The following MIPOL1 variants were observed in gnomAD, a reference collection of about 807,000 sequenced individuals.
MIPOL1 encodes the protein mirror-image polydactyly gene 1 protein.
MIPOL1 carries 57 observed loss-of-function variants against 60.9 expected under a neutral mutation model. That is an observed-to-expected ratio of 0.94 (90% confidence interval 0.76 to 1.17). MIPOL1 has a LOEUF of 1.17. MIPOL1 is among the 50% of genes most tolerant of loss of function. The probability of loss-of-function intolerance (pLI) is 0.00; values close to 1 mark genes in which losing one functional copy is unlikely to be tolerated. For missense variants in MIPOL1, 551 were observed against 511.6 expected (o/e 1.08, Z -0.74); for synonymous variants, 179 against 168.8 (o/e 1.06, Z -0.47).
chr14:37,280,718 G>A (rs755156812), intron 6 of MIPOL1, among the ~76,000 whole-genome samples: 1 of 152,098 alleles, frequency 6.6e-6, no homozygotes, highest in Non-Finnish European at 1.5e-5. Context: ...GAGTGCAGTG[G>A]CACGATCTTG....
intron 11 of MIPOL1, among the ~76,000 whole-genome samples, chr14:37,491,054 T>C (rs556469084): frequency 1.3e-5 from 2 of 152,314 alleles, no homozygotes; most frequent in East Asian, 1.9e-4. Context: ...TATGACAAAA[T>C]TCAAGATAAA....
intron 9 of MIPOL1, among the ~76,000 whole-genome samples, chr14:37,356,537 T>G (rs1367999471): frequency 6.6e-6 from 1 of 152,184 alleles, no homozygotes; most frequent in East Asian, 1.9e-4. Flanking sequence ...GATCTCAGAC[T>G]GCTGTGCTAG....
At chr14:37,489,244 C>G (rs2095004767) in intron 11 of MIPOL1, among the ~76,000 whole-genome samples, 1 of 152,144 alleles carries the variant, frequency 6.6e-6, no homozygotes, top group African/African-American at 2.4e-5. Context: ...TCCGCTTGAT[C>G]AACTCAGCTA....
intron 1 of MIPOL1, among the ~76,000 whole-genome samples, chr14:37,236,132 C>G (rs933361207): frequency 2.6e-5 from 4 of 151,862 alleles, no homozygotes; most frequent in Admixed American, 2.0e-4. Context: ...CACTGTGTTG[C>G]TTAGGCTGGT....
intron 1 of MIPOL1, among the ~76,000 whole-genome samples, chr14:37,207,224 C>A (rs1293107757): frequency 6.6e-6 from 1 of 152,132 alleles, no homozygotes; most frequent in African/African-American, 2.4e-5. Context: ...ATACTGTTCT[C>A]CTGGTAGTGA....
chr14:37,254,501 A>G (rs368704930), intron 3 of MIPOL1, among the ~76,000 whole-genome samples: 1 of 151,756 alleles, frequency 6.6e-6, no homozygotes, highest in Non-Finnish European at 1.5e-5. Context: ...TTAGATTTAC[A>G]GTAAAATTGA....
chr14:37,298,645 A>G (rs1238074259), intron 7 of MIPOL1, among the ~76,000 whole-genome samples: 1 of 152,258 alleles, frequency 6.6e-6, no homozygotes, highest in Non-Finnish European at 1.5e-5. Flanking sequence ...AAGGATCCGA[A>G]CAGACACTTC....
At chr14:37,442,839 T>C (rs2153567589) in intron 11 of MIPOL1, among the ~76,000 whole-genome samples, 1 of 152,138 alleles carries the variant, frequency 6.6e-6, no homozygotes, top group South Asian at 2.1e-4. Flanking sequence ...TTAAAGAAGA[T>C]CTAAATAAAT....
At chr14:37,359,750 A>G (rs191199870) in intron 9 of MIPOL1, among the ~76,000 whole-genome samples, 116 of 152,324 alleles carry the variant, frequency 7.6e-4, no homozygotes, top group African/African-American at 2.6e-3. Flanking sequence ...GGTTTTCTAA[A>G]TATACAATCA....
At chr14:37,314,180 C>T (rs906568814) in intron 9 of MIPOL1, among the ~76,000 whole-genome samples, 8 of 152,080 alleles carry the variant, frequency 5.3e-5, no homozygotes, top group African/African-American at 7.2e-5. Context: ...ATAATGAGCA[C>T]ACCTTTTGTG....
At chr14:37,424,955 A>G (rs1322426296) in intron 11 of MIPOL1, among the ~76,000 whole-genome samples, 1 of 152,200 alleles carries the variant, frequency 6.6e-6, no homozygotes, top group Non-Finnish European at 1.5e-5. Context: ...TTATGCAGCC[A>G]AGTTTGAGAG....
At chr14:37,462,208 G>A (rs150630609) in intron 11 of MIPOL1, among the ~76,000 whole-genome samples, 1,629 of 152,316 alleles carry the variant, frequency 0.011, 31 homozygotes, top group African/African-American at 0.034. Context: ...TTAACACCAC[G>A]TGGAAGCTGC....
rs1181629770 is a variant in MIPOL1, at chr14:37,548,469, A to G, written c.*1498A>G. Reference sequence around the variant, plus strand: ...CAGGGGTTAAAAATAAACTGATTTAATTTGCTCTATAGTCCTAAAGAGAAT... The same window carrying G: ...CAGGGGTTAAAAATAAACTGATTTAGTTTGCTCTATAGTCCTAAAGAGAAT... On this transcript the variant is annotated 3_prime_UTR_variant, in exon 13 of 13. Coordinates refer to ENST00000684589, the MANE Select transcript of MIPOL1 (RefSeq NM_001388067.1). 6.6e-6 allele frequency: 1 copy of G among 152,024 alleles called. No individual in the cohort carries two copies. The allele number at this position is 152,024 out of a possible 1,614,324, so 9.4% of individuals were successfully genotyped here.
intron 11 of MIPOL1, among the ~76,000 whole-genome samples, chr14:37,451,808 C>CTTTTTTTTTTTTTTTTTTTTTT (rs535978128): frequency 1.8e-4 from 15 of 84,570 alleles, no homozygotes; most frequent in African/African-American, 9.5e-4. Context: ...TTTATTCTCT[C>CTTTTTTTTTTTTTTTTTTTTTT]TTTTTTTTTT....
intron 6 of MIPOL1, among the ~76,000 whole-genome samples, chr14:37,273,254 A>G (rs1258257639): frequency 6.6e-6 from 1 of 150,960 alleles, no homozygotes; most frequent in Non-Finnish European, 1.5e-5. Context: ...ATAAGAGGCA[A>G]ATGTTGGTGG....
chr14:37,535,176 G>C (rs1288254460), intron 12 of MIPOL1, among the ~76,000 whole-genome samples: 3 of 152,034 alleles, frequency 2.0e-5, no homozygotes, highest in African/African-American at 7.2e-5. Flanking sequence ...TGATATGATT[G>C]ATTGGTGAGC....
At chr14:37,337,578 C>G (rs957686196) in intron 9 of MIPOL1, among the ~76,000 whole-genome samples, 1 of 151,022 alleles carries the variant, frequency 6.6e-6, no homozygotes, top group South Asian at 2.1e-4. Context: ...TTATGTTGAC[C>G]AGGCTGGTCT....
intron 10 of MIPOL1, among the ~76,000 whole-genome samples, chr14:37,381,856 C>T (rs773419253): frequency 1.7e-4 from 26 of 151,914 alleles, no homozygotes; most frequent in Middle Eastern, 6.8e-3. Flanking sequence ...TCCCAAGGTA[C>T]TGGGATTATA....
chr14:37,336,056 T>C (rs2090085472), intron 9 of MIPOL1, among the ~76,000 whole-genome samples: 1 of 151,426 alleles, frequency 6.6e-6, no homozygotes, highest in Non-Finnish European at 1.5e-5. Context: ...CTTTGATCCA[T>C]TTTGAGCTAA....
Sources: gnomAD v4.1 joint callset for allele counts (sites outside exome capture counted in the v4.1 genomes callset) on GRCh38, gnomAD v4.1.1 for gene constraint, MANE v1.5 for transcripts, NCBI Gene and HGNC (gene_info 2026-07-23, HGNC 2026-07-21) for gene names.